The following HEMK2 variants were observed in gnomAD, a reference collection of about 807,000 sequenced individuals.
HEMK2 encodes HemK methyltransferase 2, ETF1 glutamine and histone H4 lysine.
At chr21:28,872,436 T>C in the HEMK2 span, 1 of 152,224 alleles carries the variant, frequency 6.6e-6, no homozygotes, top group Non-Finnish European at 1.5e-5. Flanking sequence ...TCTTTCACAG[T>C]GGGCATGTTC....
chr21:28,865,054 C>T, the HEMK2 span, among the ~76,000 whole-genome samples: 25,482 of 152,122 alleles, frequency 0.17, 2,233 homozygotes, highest in South Asian at 0.23. Flanking sequence ...CAGGCCACTA[C>T]CATCTCTTCA....
chr21:28,639,455 A>G, the HEMK2 span, among the ~76,000 whole-genome samples: 2 of 152,244 alleles, frequency 1.3e-5, no homozygotes, highest in Non-Finnish European at 2.9e-5. Context: ...TTCAAGAAAC[A>G]AGGTACACAG....
the HEMK2 span, among the ~76,000 whole-genome samples, chr21:28,743,748 T>C: frequency 6.6e-6 from 1 of 152,338 alleles, no homozygotes; most frequent in African/African-American, 2.4e-5. Context: ...GAAAGTTGGA[T>C]GACCCCAGGC....
chr21:28,719,212 A>G, the HEMK2 span, among the ~76,000 whole-genome samples: 1 of 152,134 alleles, frequency 6.6e-6, no homozygotes, highest in African/African-American at 2.4e-5. Context: ...GCCTTTTGCC[A>G]AGTAGGGGCA....
chr21:28,879,884 T>G, the HEMK2 span: 1 of 1,579,800 alleles, frequency 6.3e-7, no homozygotes, highest in Non-Finnish European at 8.6e-7. Context: ...TGAGGTGGAG[T>G]CACTACATAG....
the HEMK2 span, among the ~76,000 whole-genome samples, chr21:28,614,806 C>T: frequency 1.9e-4 from 29 of 152,268 alleles, no homozygotes; most frequent in African/African-American, 6.0e-4. Context: ...CTAGAGAATT[C>T]GCTAACACAG....
At chr21:28,788,705 CAAAAAAAA>C in the HEMK2 span, among the ~76,000 whole-genome samples, 4 of 126,598 alleles carry the variant, frequency 3.2e-5, no homozygotes, top group Admixed American at 7.8e-5. Context: ...TTAGGTACTC[CAAAAAAAA>C]AAAAAAAGAA....
chr21:28,740,587 G>A, the HEMK2 span, among the ~76,000 whole-genome samples: 350 of 152,256 alleles, frequency 2.3e-3, 2 homozygotes, highest in African/African-American at 7.8e-3. Flanking sequence ...CACCAGCCTC[G>A]GCTTCATGCT....
chr21:28,871,405 G>T, the HEMK2 span, among the ~76,000 whole-genome samples: 2 of 152,020 alleles, frequency 1.3e-5, no homozygotes, highest in Admixed American at 1.3e-4. Flanking sequence ...ACCAGATCTC[G>T]CTAAGAACTC....
At chr21:28,802,040 T>C in the HEMK2 span, among the ~76,000 whole-genome samples, 1 of 152,180 alleles carries the variant, frequency 6.6e-6, no homozygotes, top group East Asian at 1.9e-4. Context: ...GTATCCTGTA[T>C]ATATACATGA....
the HEMK2 span, among the ~76,000 whole-genome samples, chr21:28,714,401 A>T: frequency 2.0e-5 from 3 of 152,228 alleles, no homozygotes; most frequent in Admixed American, 2.0e-4. Context: ...AAATATCACT[A>T]TCTTCCTATA....
the HEMK2 span, among the ~76,000 whole-genome samples, chr21:28,621,052 T>C: frequency 6.6e-6 from 1 of 152,092 alleles, no homozygotes; most frequent in Non-Finnish European, 1.5e-5. Flanking sequence ...GAATCATTGA[T>C]TTTTTTGAAG....
the HEMK2 span, among the ~76,000 whole-genome samples, chr21:28,864,869 GGAT>G: frequency 1.1e-5 from 1 of 87,662 alleles, no homozygotes; most frequent in Admixed American, 1.2e-4. Flanking sequence ...ATAGATAGAT[GGAT>G]GATAGGTAGA....
At chr21:28,728,783 C>CTT in the HEMK2 span, among the ~76,000 whole-genome samples, 2 of 152,150 alleles carry the variant, frequency 1.3e-5, no homozygotes, top group Admixed American at 6.5e-5. Context: ...GATTTAAATA[C>CTT]TTTTTTAACA....
chr21:28,607,405 C>T, the HEMK2 span, among the ~76,000 whole-genome samples: 1 of 151,420 alleles, frequency 6.6e-6, no homozygotes, highest in Middle Eastern at 3.2e-3. Flanking sequence ...AGCGAGACTC[C>T]ATCTCAAAAA....
At chr21:28,806,892 A>T in the HEMK2 span, among the ~76,000 whole-genome samples, 1 of 152,158 alleles carries the variant, frequency 6.6e-6, no homozygotes, top group Non-Finnish European at 1.5e-5. Context: ...TCTAGCCTCC[A>T]TAACTGTGAG....
chr21:28,756,958 A>G, the HEMK2 span, among the ~76,000 whole-genome samples: 2 of 152,206 alleles, frequency 1.3e-5, no homozygotes, highest in African/African-American at 4.8e-5. Flanking sequence ...CTTTTGTTCT[A>G]TCATTCATTG....
the HEMK2 span, among the ~76,000 whole-genome samples, chr21:28,587,181 A>C: frequency 2.6e-5 from 4 of 151,702 alleles, no homozygotes; most frequent in African/African-American, 9.7e-5. Flanking sequence ...TAAACAAAAA[A>C]AAAAAAAACA....
the HEMK2 span, among the ~76,000 whole-genome samples, chr21:28,709,891 C>T: frequency 6.6e-6 from 1 of 152,144 alleles, no homozygotes; most frequent in Non-Finnish European, 1.5e-5. Flanking sequence ...GAAAGCATTG[C>T]TTTTGACAGA....
Sources: gnomAD v4.1 joint callset for allele counts (sites outside exome capture counted in the v4.1 genomes callset) on GRCh38, gnomAD v4.1.1 for gene constraint, MANE v1.5 for transcripts, NCBI Gene and HGNC (gene_info 2026-07-23, HGNC 2026-07-21) for gene names.